The following MACROD1 variants were observed in gnomAD, a reference collection of about 807,000 sequenced individuals.
The protein encoded by MACROD1 is ADP-ribose glycohydrolase MACROD1.
Under a neutral mutation model 41.4 loss-of-function variants are expected in MACROD1, and 31 were observed. The observed-to-expected ratio is 0.75, with a 90% CI of 0.56 to 1.01. The LOEUF is 1.01. MACROD1 is among the 50% of genes least tolerant of loss of function. The pLI is 0.00. For missense variants in MACROD1, 473 were observed against 460.0 expected (o/e 1.03, Z -0.26); for synonymous variants, 252 against 203.4 (o/e 1.24, Z -2.03).
intron 4 of MACROD1, 139 bp from the exon 5 acceptor site, chr11:64,000,482 G>C (rs1942804499): frequency 3.9e-6 from 2 of 506,460 alleles, no homozygotes; most frequent in Non-Finnish European, 6.8e-6. Context: ...TCCGGCCGCG[G>C]CCGCTGCCCC....
chr11:64,116,823 C>T (rs745543654), intron 3 of MACROD1: 10 of 1,613,200 alleles, frequency 6.2e-6, no homozygotes, highest in Admixed American at 3.3e-5. Context: ...CTTCCTGAGC[C>T]GGAACCACCT....
rs71045724 is a variant in MACROD1, at chr11:64,041,199, T to TAAAAAAAAAAAAAAAAAAAAAA, written c.518-25940_518-25919dup. On this transcript the variant is annotated intron_variant, in intron 3 of 10. Transcript: ENST00000255681. ...AGATTACAACAGATTTAGCAAACTG[T>TAAAAAAAAAAAAAAAAAAAAAA]AAAAAAAAAAAAAAAAAAAAAAAAA... 1.4e-4 allele frequency among the ~76,000 whole-genome samples: 3 copies of TAAAAAAAAAAAAAAAAAAAAAA among 21,600 alleles called. 1 individual carries two copies. The highest frequency in any genetic ancestry group is 4.8e-4 in the African/African-American group (3 of 6,202). The allele number at this position is 21,600 out of a possible 152,430, so 14.2% of individuals were successfully genotyped here.
chr11:64,036,423 C>A lies in MACROD1; in HGVS notation c.518-21142G>T, dbSNP rs530061759. ...GGGGTGCGCGGCCGGCGGCTCAGCT[C>A]TCCCGAGCCGAGGCTGGAAAGGGCG... is the stretch of plus-strand genomic sequence containing the variant. On this transcript the variant is annotated intron_variant, in intron 3 of 10. Coordinates refer to ENST00000255681, the MANE Select transcript of MACROD1 (RefSeq NM_014067.4). This position sits in a 1 kb window ranked among gnomAD's most constrained non-coding sequence, Gnocchi z 5.6. Among the ~76,000 whole-genome samples the A allele has an allele frequency of 6.6e-6, 1 of 152,168 alleles. No homozygotes were observed. Among genetic ancestry groups the A allele is most frequent in the Non-Finnish European group, 1.5e-5 (1 of 68,008 alleles).
chr11:64,106,745 G>C (rs745823742), intron 3 of MACROD1, among the ~76,000 whole-genome samples: 2 of 152,314 alleles, frequency 1.3e-5, no homozygotes, highest in Non-Finnish European at 1.5e-5. Flanking sequence ...TGCAGAGCCC[G>C]CAGCCTCAGT....
chr11:64,010,203 A>T (rs1452658044), intron 4 of MACROD1, among the ~76,000 whole-genome samples: 1 of 106,952 alleles, frequency 9.3e-6, no homozygotes, highest in South Asian at 3.3e-4. Context: ...GTTGGTTGGC[A>T]TATTGGTTGG....
intron 3 of MACROD1, among the ~76,000 whole-genome samples, chr11:64,124,794 C>CCT (rs1432384316): frequency 4.6e-5 from 7 of 152,320 alleles, no homozygotes; most frequent in Admixed American, 3.9e-4. Flanking sequence ...GATTCTCCTG[C>CCT]CTCAGCCTCC....
At chr11:64,062,854 C>T (rs1943931011) in intron 3 of MACROD1, among the ~76,000 whole-genome samples, 1 of 152,218 alleles carries the variant, frequency 6.6e-6, no homozygotes, top group Non-Finnish European at 1.5e-5. Context: ...GGGGCACCTC[C>T]ACCCCGGCCC....
chr11:64,072,604 C>A (rs1565219803), intron 3 of MACROD1, among the ~76,000 whole-genome samples: 1 of 152,244 alleles, frequency 6.6e-6, no homozygotes, highest in Non-Finnish European at 1.5e-5. Context: ...GGGCCTTGGT[C>A]TCCACAAACA....
At chr11:64,087,249 CTGCCCCAGTTCCA>C (rs1365182027) in intron 3 of MACROD1, 7 of 152,308 alleles carry the variant, frequency 4.6e-5, no homozygotes, top group African/African-American at 1.7e-4. Flanking sequence ...TCCTGGGCCC[CTGCCCCAGTTCCA>C]TGCCCTCTGT....
In MACROD1 at chr11:64,064,739, G is replaced by A. The variant is rs982969562; in HGVS notation, c.518-49458C>T. Among the ~76,000 whole-genome samples, 2 of 151,118 alleles carry A rather than the reference G, an allele frequency of 1.3e-5. No homozygotes were observed. The highest frequency in any genetic ancestry group is 3.0e-5 in the Non-Finnish European group (2 of 67,754). ...TCCCCTCCCTGCCAGCCCCCCAGCA[G>A]GCAGCCAGGCCTGGACCCACCATCC... On this transcript the variant is annotated intron_variant, in intron 3 of 10. Transcript: ENST00000255681. This position sits in a 1 kb window ranked among gnomAD's most constrained non-coding sequence, Gnocchi z 4.5.
At chr11:64,116,448 G>A (rs756004459) in intron 3 of MACROD1, 41 of 1,613,868 alleles carry the variant, frequency 2.5e-5, no homozygotes, top group South Asian at 8.8e-5. Flanking sequence ...GTGCCGCTGC[G>A]ACAACGGCTT....
At chr11:64,046,588 G>T (rs192893798) in intron 3 of MACROD1, among the ~76,000 whole-genome samples, 2 of 152,232 alleles carry the variant, frequency 1.3e-5, no homozygotes, top group East Asian at 3.9e-4. Context: ...TTTTGTTCTC[G>T]TCGCTCAGGC....
At chr11:64,149,099 G>A in intron 3 of MACROD1, 1 of 846,080 alleles carries the variant, frequency 1.2e-6, no homozygotes, top group Non-Finnish European at 1.4e-6. Flanking sequence ...GCAAGCAGGG[G>A]GAGGTGAAAG....
chr11:64,157,652 GAAGC>G (rs1370173173), intron 1 of MACROD1, among the ~76,000 whole-genome samples: 2 of 152,198 alleles, frequency 1.3e-5, no homozygotes, highest in Non-Finnish European at 2.9e-5. Context: ...CAAGCAGGAG[GAAGC>G]AGGCTCCACC....
In MACROD1 at chr11:64,100,499, A is replaced by G. The variant is rs142122125; in HGVS notation, c.517+50740T>C. 3.8e-3 allele frequency among the ~76,000 whole-genome samples: 578 copies of G among 152,278 alleles called. 2 individuals are homozygous for G. The highest frequency in any genetic ancestry group is 6.8e-3 in the Non-Finnish European group (463 of 68,016). Reference sequence around the variant, plus strand: ...GGAGGCCAAGGCGAGGAGTGTAACCACTAACTTCACACGGCATGGTCTCCA... The same window carrying G: ...GGAGGCCAAGGCGAGGAGTGTAACCGCTAACTTCACACGGCATGGTCTCCA... On this transcript the variant is annotated intron_variant, in intron 3 of 10. Transcript: ENST00000255681.
chr11:64,035,667 C>G (rs1943360294), intron 3 of MACROD1, among the ~76,000 whole-genome samples: 1 of 53,096 alleles, frequency 1.9e-5, no homozygotes, highest in African/African-American at 7.4e-5. Flanking sequence ...GGCGGCGCAG[C>G]CTCCCGCGCC....
chr11:64,072,198 C>A (rs1159123900), intron 3 of MACROD1, among the ~76,000 whole-genome samples: 1 of 152,100 alleles, frequency 6.6e-6, no homozygotes, highest in East Asian at 1.9e-4. Context: ...GGAGCAGGGT[C>A]TGCTTCATCC....
In MACROD1 at chr11:64,148,770, C is replaced by T. The variant is rs139444362; in HGVS notation, c.517+2469G>A. The T allele has an allele frequency of 4.1e-6, 4 of 985,764 alleles. No individual in the cohort carries two copies. The African/African-American group carries it at 5.2e-5, about 13-fold the overall frequency. The allele number at this position is 985,764 out of a possible 1,614,324, so 61.1% of individuals were successfully genotyped here. On this transcript the variant is annotated intron_variant, in intron 3 of 10. Transcript: ENST00000255681. ...GCCGTTGCCAACGACTTTTATTCCA[C>T]TAATAAACAGGCTGATATATGGGCT...
At chr11:64,113,670 G>C (rs1944906116) in intron 3 of MACROD1, among the ~76,000 whole-genome samples, 1 of 150,556 alleles carries the variant, frequency 6.6e-6, no homozygotes, top group Non-Finnish European at 1.5e-5. Context: ...TGGATGCATG[G>C]ATGGATGGAT....
Sources: allele counts gnomAD v4.1 joint callset (sites outside exome capture counted in the v4.1 genomes callset), GRCh38; gene constraint gnomAD v4.1.1; non-coding constraint Gnocchi (gnomAD v3.1); transcripts MANE v1.5; gene names NCBI Gene and HGNC (gene_info 2026-07-23, HGNC 2026-07-21).